The following MPP7 variants were observed in gnomAD, a reference collection of about 807,000 sequenced individuals.
MPP7 encodes the protein MAGUK p55 scaffold protein 7, also known as MAGUK p55 subfamily member 7.
A neutral mutation model predicts 76.5 loss-of-function variants in MPP7; 60 were observed. That is an observed-to-expected ratio of 0.78 (90% CI 0.64 to 0.97). The LOEUF is 0.97. MPP7 is among the 50% of genes least tolerant of loss of function. The pLI, the probability that MPP7 is intolerant of heterozygous loss-of-function variation, is 0.00. For missense variants in MPP7, 641 were observed against 694.0 expected, an observed-to-expected ratio of 0.92 and a Z score of 0.86; for synonymous variants, 237 against 244.5, an observed-to-expected ratio of 0.97 and a Z score of 0.29.
chr10:28,080,641 A>C (rs1228083190), intron 12 of MPP7, among the ~76,000 whole-genome samples: 2 of 152,228 alleles, frequency 1.3e-5, no homozygotes, highest in Non-Finnish European at 2.9e-5. Flanking sequence ...GTACACCGTA[A>C]AACTCAGTTG....
intron 1 of MPP7, among the ~76,000 whole-genome samples, chr10:28,292,849 T>C (rs1000049454): frequency 2.0e-5 from 3 of 152,024 alleles, no homozygotes; most frequent in African/African-American, 7.2e-5. Context: ...AGAGAGAGAA[T>C]GTGTGTGTCT....
At chr10:28,104,884 T>C (rs1189764992) in intron 11 of MPP7, among the ~76,000 whole-genome samples, 1 of 152,138 alleles carries the variant, frequency 6.6e-6, no homozygotes, top group Non-Finnish European at 1.5e-5. Context: ...AATAAGTATT[T>C]AGACCAGGAG....
At chr10:28,193,111 T>TA (rs1172511855) in intron 3 of MPP7, among the ~76,000 whole-genome samples, 15 of 152,114 alleles carry the variant, frequency 9.9e-5, no homozygotes, top group African/African-American at 3.6e-4. Context: ...GAGCTAAATG[T>TA]AAACGCAAAA....
intron 2 of MPP7, among the ~76,000 whole-genome samples, chr10:28,221,747 G>A (rs1466416506): frequency 6.6e-6 from 1 of 152,144 alleles, no homozygotes; most frequent in Non-Finnish European, 1.5e-5. Flanking sequence ...GGTAGTCTGT[G>A]CCTTATCTTA....
chr10:28,209,254 C>T (rs1395992027), intron 2 of MPP7, among the ~76,000 whole-genome samples: 2 of 152,062 alleles, frequency 1.3e-5, no homozygotes, highest in Admixed American at 1.3e-4. Context: ...CGCTTGAGGC[C>T]AGGAGCCTGG....
intron 2 of MPP7, among the ~76,000 whole-genome samples, chr10:28,228,174 G>T (rs562213214): frequency 9.1e-4 from 138 of 152,190 alleles, no homozygotes; most frequent in South Asian, 8.1e-3. Context: ...GGAAATATAT[G>T]AATTACCAAG....
At chr10:28,283,973 G>T (rs1212298571) in intron 1 of MPP7, among the ~76,000 whole-genome samples, 1 of 152,144 alleles carries the variant, frequency 6.6e-6, no homozygotes, top group Non-Finnish European at 1.5e-5. Context: ...AGACCCATCT[G>T]GAAATTAGAA....
intron 1 of MPP7, among the ~76,000 whole-genome samples, chr10:28,249,849 T>C (rs76844735): frequency 0.057 from 8,679 of 152,222 alleles, 573 homozygotes; most frequent in African/African-American, 0.15. Context: ...CCACTTCTCT[T>C]CTCGCATGGA....
intron 3 of MPP7, among the ~76,000 whole-genome samples, chr10:28,172,351 A>G (rs1836711920): frequency 6.6e-6 from 1 of 152,226 alleles, no homozygotes; most frequent in Admixed American, 6.5e-5. Flanking sequence ...GACACTATTC[A>G]ATCCTCTCCC....
chr10:28,315,797 C>T (rs184632320), intron 2 of MPP7, among the ~76,000 whole-genome samples: 239 of 152,166 alleles, frequency 1.6e-3, no homozygotes, highest in African/African-American at 5.6e-3. Flanking sequence ...AAAGGTGGGG[C>T]GGGGAGAGTA....
intron 3 of MPP7, among the ~76,000 whole-genome samples, chr10:28,181,299 C>T (rs1009906284): frequency 3.9e-5 from 6 of 152,046 alleles, no homozygotes; most frequent in Admixed American, 3.3e-4. Context: ...ATTGTTAAAC[C>T]GTGATCATCA....
chr10:28,304,359 C>A (rs529067345), upstream of MPP7, among the ~76,000 whole-genome samples: 1 of 152,224 alleles, frequency 6.6e-6, no homozygotes, highest in South Asian at 2.1e-4. Flanking sequence ...CCCAGCAACT[C>A]CGTGAATTAC....
chr10:28,075,947 A>C (rs905959998), intron 12 of MPP7, among the ~76,000 whole-genome samples: 3 of 152,198 alleles, frequency 2.0e-5, no homozygotes, highest in Non-Finnish European at 4.4e-5. Flanking sequence ...ATTTATTTAA[A>C]TTATACTCAA....
At chr10:28,090,957 G>A (rs995463500) in intron 11 of MPP7, among the ~76,000 whole-genome samples, 1 of 152,020 alleles carries the variant, frequency 6.6e-6, no homozygotes, top group Non-Finnish European at 1.5e-5. Flanking sequence ...GACCAGGTGG[G>A]GCAACATGGA....
intron 5 of MPP7, 29 bp downstream of exon 5, chr10:28,147,454 T>A: frequency 6.3e-7 from 1 of 1,576,014 alleles, no homozygotes; most frequent in Non-Finnish European, 8.7e-7. Flanking sequence ...TGTTTGAAGG[T>A]ATTTATTACC....
intron 15 of MPP7, chr10:28,057,862 GA>G: frequency 8.1e-7 from 1 of 1,231,424 alleles, no homozygotes; most frequent in Non-Finnish European, 1.0e-6. Context: ...GGGGGATGAG[GA>G]AAATGCTGTG....
chr10:28,129,784 T>G (rs1266739650), intron 6 of MPP7, among the ~76,000 whole-genome samples: 15 of 152,032 alleles, frequency 9.9e-5, no homozygotes, highest in Non-Finnish European at 2.1e-4. Flanking sequence ...AAAAAAACCC[T>G]CCTGATATAA....
chr10:28,299,089 T>C (rs1841094463), intron 1 of MPP7, among the ~76,000 whole-genome samples: 1 of 152,198 alleles, frequency 6.6e-6, no homozygotes, highest in African/African-American at 2.4e-5. Context: ...TTTCTTATCA[T>C]TTGGACGTTC....
At chr10:28,207,652 A>C (rs1377663012) in intron 2 of MPP7, among the ~76,000 whole-genome samples, 1 of 151,810 alleles carries the variant, frequency 6.6e-6, no homozygotes, top group Non-Finnish European at 1.5e-5. Context: ...TAATCACATC[A>C]CTTTACTCCA....
Sources: allele counts gnomAD v4.1 joint callset (sites outside exome capture counted in the v4.1 genomes callset), GRCh38; gene constraint gnomAD v4.1.1; transcripts MANE v1.5; gene names NCBI Gene and HGNC (gene_info 2026-07-23, HGNC 2026-07-21).